Variants in USP15 observed in about 807,000 individuals in gnomAD.
USP15 encodes the protein ubiquitin specific peptidase 15.
A neutral mutation model predicts 127.1 loss-of-function variants in USP15; 18 were observed. The observed-to-expected ratio is 0.14, with a 90% confidence interval of 0.10 to 0.21. The LOEUF (loss-of-function observed/expected upper bound fraction) is 0.21. USP15 is among the 10% of genes least tolerant of loss of function. The probability of loss-of-function intolerance (pLI) is 1.00; values close to 1 mark genes in which losing one functional copy is unlikely to be tolerated. For missense variants in USP15, 805 were observed against 1,159.9 expected (o/e 0.69, Z 4.44); for synonymous variants, 364 against 393.7 (o/e 0.92, Z 0.89).
chr12:62,372,057 A>T lies in USP15; in HGVS notation c.916-9433A>T, dbSNP rs914512456. 9.2e-5 allele frequency among the ~76,000 whole-genome samples: 14 copies of T among 152,114 alleles called. No individual in the cohort carries two copies. In the South Asian group the frequency reaches 1.5e-3, roughly 16 times the overall value. On this transcript the variant is annotated intron_variant, in intron 8 of 21. Transcript: ENST00000280377. Reference sequence around the variant, plus strand: ...ATAAAAATAATGTGTTCGGTATTTTAAAAAAAATTAGTTCTTTCACACACC... The same window carrying T: ...ATAAAAATAATGTGTTCGGTATTTTTAAAAAAATTAGTTCTTTCACACACC...
intron 21 of USP15, among the ~76,000 whole-genome samples, 195 bp from the exon 22 acceptor site, chr12:62,403,998 T>G (rs73136894): frequency 0.01 from 1,552 of 152,234 alleles, 14 homozygotes; most frequent in Non-Finnish European, 0.016. Flanking sequence ...CATAAAAATT[T>G]GTAATTCTAA....
chr12:62,302,204 T>G (rs1266651134), intron 2 of USP15, among the ~76,000 whole-genome samples: 1 of 152,156 alleles, frequency 6.6e-6, no homozygotes, highest in Non-Finnish European at 1.5e-5. Context: ...TGTGTCTTGG[T>G]GTCATTGTAA....
chr12:62,385,700 T>C (rs1474830360), intron 11 of USP15, among the ~76,000 whole-genome samples: 2 of 152,014 alleles, frequency 1.3e-5, no homozygotes, highest in Non-Finnish European at 2.9e-5. Flanking sequence ...CCTTTAGATA[T>C]TCACTTATTC....
chr12:62,307,612 A>G (rs1318617985), intron 3 of USP15, among the ~76,000 whole-genome samples: 2 of 152,124 alleles, frequency 1.3e-5, no homozygotes, highest in Non-Finnish European at 2.9e-5. Context: ...GCAAGCAACC[A>G]TGGTCCAAAA....
Position 62,411,026 on chromosome 12 carries a change from G to A in USP15, c.*6651G>A, listed in dbSNP as rs958430784. The stretch of plus-strand genomic sequence containing the variant: ...ACACCATGAAAGACCTTGATCCAGA[G>A]GTTCTCAGCAAGCCACACCTGAATT... On this transcript the variant is annotated 3_prime_UTR_variant, in exon 22 of 22. Coordinates refer to ENST00000280377, the MANE Select transcript of USP15 (RefSeq NM_001252078.2). 2.6e-5 allele frequency: 4 copies of A among 152,038 alleles called. No homozygotes were observed. Among genetic ancestry groups the A allele is most frequent in the Non-Finnish European group, 5.9e-5 (4 of 68,016 alleles). The allele number at this position is 152,038 out of a possible 1,614,324, so 9.4% of individuals were successfully genotyped here.
intron 6 of USP15, among the ~76,000 whole-genome samples, chr12:62,338,957 A>AT (rs1356385638): frequency 1.3e-5 from 2 of 152,056 alleles, no homozygotes; most frequent in Non-Finnish European, 2.9e-5. Context: ...ATACAGGCTC[A>AT]TTTTTTGTTT....
chr12:62,285,878 G>T (rs953269242), intron 1 of USP15, among the ~76,000 whole-genome samples: 1 of 152,104 alleles, frequency 6.6e-6, no homozygotes, highest in Admixed American at 6.5e-5. Context: ...TTCCATAAAG[G>T]TTGTACTAAT....
intron 1 of USP15, among the ~76,000 whole-genome samples, chr12:62,272,778 T>A (rs2063373247): frequency 2.0e-5 from 3 of 152,050 alleles, no homozygotes; most frequent in Admixed American, 1.3e-4. Context: ...TACAAATTAT[T>A]TATCATAATG....
chr12:62,361,079 G>T (rs2066299235), intron 8 of USP15, among the ~76,000 whole-genome samples: 1 of 151,934 alleles, frequency 6.6e-6, no homozygotes, highest in Non-Finnish European at 1.5e-5. Context: ...TTTTGAAAGA[G>T]AACAGAGGTG....
rs2067063433 is a variant in USP15 at position 62,383,845 on chromosome 12, G to A, written c.1095G>A (p.Gln365=). ...TGGTTTTGCATTTCTTACAGACACA[G>A]GTAGGACGTTTTGCACCTCAGTTCT... ...SYVTPRAFKT[Q]VGRFAPQFSG... The change falls in exon 10 of 22, where the codon CAG becomes CAA. Residue 365 remains glutamine (Q), a synonymous_variant. Coordinates refer to ENST00000280377, the MANE Select transcript of USP15 (RefSeq NM_001252078.2). 6.2e-7 allele frequency: 1 copy of A among 1,611,854 alleles called. No homozygotes were observed. The highest frequency in any genetic ancestry group is 1.1e-5 in the South Asian group (1 of 90,902).
chr12:62,275,665 A>G lies in USP15; in HGVS notation c.89+15162A>G, dbSNP rs562522001. Among the ~76,000 whole-genome samples, 4 of 152,198 alleles carry G rather than the reference A, an allele frequency of 2.6e-5. No homozygotes were observed. The East Asian group carries it at 7.7e-4, about 29-fold the overall frequency. On this transcript the variant is annotated intron_variant, in intron 1 of 21. Transcript: ENST00000280377. ...GGAGGAAAAGACTTAATCCCTGTTG[A>G]AATGCTGGTAGGAAAAGGTCTCCAA...
Position 62,355,349 on chromosome 12 carries a change from C to T in USP15, c.789C>T (p.Tyr263=). ...MNNRNVKNSN[Y]CLPSYTAYKN... ...CTTCCAGTGTGAAAAACTCAAATTACTGTCTTCCATCATATACCGCTTATA... is the reference window on the plus strand; with the variant it reads ...CTTCCAGTGTGAAAAACTCAAATTATTGTCTTCCATCATATACCGCTTATA... Residue 263 remains tyrosine (Y), a synonymous_variant, in exon 8 of 22, where the codon TAC becomes TAT. Coordinates refer to ENST00000280377, the MANE Select transcript of USP15 (RefSeq NM_001252078.2). 6.3e-7 allele frequency: 1 copy of T among 1,595,070 alleles called. No individual in the cohort carries two copies. The highest frequency in any genetic ancestry group is 8.5e-7 in the Non-Finnish European group (1 of 1,172,540).
chr12:62,345,200 C>T (rs895532093), intron 6 of USP15, among the ~76,000 whole-genome samples: 2 of 152,222 alleles, frequency 1.3e-5, no homozygotes, highest in Non-Finnish European at 2.9e-5. Flanking sequence ...ACCCAAGTCA[C>T]ATCCTGAATG....
At chr12:62,340,645 G>A (rs542677988) in intron 6 of USP15, among the ~76,000 whole-genome samples, 10 of 152,176 alleles carry the variant, frequency 6.6e-5, no homozygotes, top group Non-Finnish European at 1.3e-4. Flanking sequence ...TTACTCAGGA[G>A]TCATTCAGGA....
At chr12:62,335,134 A>G (rs1487237047) in intron 6 of USP15, 7 of 1,533,880 alleles carry the variant, frequency 4.6e-6, no homozygotes, top group Non-Finnish European at 2.6e-6. Flanking sequence ...AATGTATGAT[A>G]TTCTTAGCAC....
chr12:62,262,357 C>T (rs921214037), intron 1 of USP15, among the ~76,000 whole-genome samples: 1 of 152,048 alleles, frequency 6.6e-6, no homozygotes, highest in Non-Finnish European at 1.5e-5. Context: ...CAAATAAGTC[C>T]CCGCTGGCTA....
At chr12:62,327,899 A>G (rs532966620) in intron 6 of USP15, 1 of 225,418 alleles carries the variant, frequency 4.4e-6, no homozygotes, top group African/African-American at 2.4e-5. Context: ...TTCCCTATAA[A>G]ATCTAAGAAA....
intron 2 of USP15, among the ~76,000 whole-genome samples, chr12:62,301,690 A>C (rs934310785): frequency 1.3e-5 from 2 of 152,200 alleles, no homozygotes; most frequent in African/African-American, 4.8e-5. Context: ...AATGCAAAGT[A>C]GACTATAGTT....
intron 8 of USP15, among the ~76,000 whole-genome samples, chr12:62,366,728 A>G (rs915719158): frequency 1.3e-5 from 2 of 152,172 alleles, no homozygotes; most frequent in African/African-American, 2.4e-5. Flanking sequence ...CATTCCATCA[A>G]TACCTAGTTT....
Sources: gnomAD v4.1 joint callset for allele counts (sites outside exome capture counted in the v4.1 genomes callset) on GRCh38, gnomAD v4.1.1 for gene constraint, MANE v1.5 for transcripts, NCBI Gene and HGNC (gene_info 2026-07-23, HGNC 2026-07-21) for gene names.